TBC1D30: variants seen among roughly 807,000 people sequenced by gnomAD.
TBC1D30 encodes the protein TBC1 domain family, member 30.
In TBC1D30, 31 loss-of-function variants were observed where a neutral mutation model predicts 63.2. The ratio of observed to expected loss-of-function variants is 0.49; its 90% CI spans 0.37 to 0.66. The LOEUF (loss-of-function observed/expected upper bound fraction) is 0.66, where lower values mean the gene tolerates loss of function less well. TBC1D30 is among the 30% of genes least tolerant of loss of function. The pLI is 0.00. For synonymous variants in TBC1D30, 307 were observed against 361.5 expected (o/e 0.85, Z 1.71); for missense variants, 810 against 953.6 (o/e 0.85, Z 1.98).
chr12:64,856,335 T>A (rs1440483963), intron 8 of TBC1D30, among the ~76,000 whole-genome samples: 1 of 152,098 alleles, frequency 6.6e-6, no homozygotes, highest in African/African-American at 2.4e-5. Flanking sequence ...AGATTACAAT[T>A]CAACATGAGA....
chr12:64,781,645 T>C (rs1056390100), intron 1 of TBC1D30, among the ~76,000 whole-genome samples: 29 of 151,648 alleles, frequency 1.9e-4, no homozygotes, highest in Admixed American at 6.6e-5. Flanking sequence ...CTGACCTACC[T>C]AGAGGGCGCC....
chr12:64,874,950 G>C, intron 11 of TBC1D30, 51 bp from the exon 12 acceptor site: 1 of 1,473,010 alleles, frequency 6.8e-7, no homozygotes. Context: ...TTCCAAGATG[G>C]ATGTGTTTCT....
chr12:64,772,473 A>T (rs1870942126), intron 1 of TBC1D30, among the ~76,000 whole-genome samples: 1 of 151,928 alleles, frequency 6.6e-6, no homozygotes, highest in African/African-American at 2.4e-5. Flanking sequence ...TCTGTCGCCC[A>T]GGCTGGAGTG....
chr12:64,787,389 A>G (rs1162547491), intron 2 of TBC1D30: 3 of 984,910 alleles, frequency 3.0e-6, no homozygotes, highest in Non-Finnish European at 3.6e-6. Context: ...CAGGTATGGT[A>G]AATATAGGTA....
chr12:64,863,883 A>T (rs1877994585), intron 8 of TBC1D30, among the ~76,000 whole-genome samples: 2 of 152,252 alleles, frequency 1.3e-5, no homozygotes, highest in South Asian at 4.1e-4. Flanking sequence ...AGAAATGAAC[A>T]TGTGATTGAT....
chr12:64,828,267 C>T (rs182415246), intron 2 of TBC1D30, among the ~76,000 whole-genome samples, 177 bp from the exon 3 acceptor site: 35 of 152,286 alleles, frequency 2.3e-4, no homozygotes, highest in South Asian at 6.2e-4. Context: ...AGGGGTGGGA[C>T]GTGGCACAGT....
chr12:64,871,246 G>A (rs1187263323), intron 11 of TBC1D30, among the ~76,000 whole-genome samples: 1 of 151,924 alleles, frequency 6.6e-6, no homozygotes, highest in Non-Finnish European at 1.5e-5. Flanking sequence ...CAGAGAAACT[G>A]GGAAAAAAAA....
chr12:64,858,646 C>T (rs1877515102), intron 8 of TBC1D30, among the ~76,000 whole-genome samples: 1 of 150,962 alleles, frequency 6.6e-6, no homozygotes, highest in Non-Finnish European at 1.5e-5. Context: ...CATTTCCTTG[C>T]TCTACACTAA....
At chr12:64,810,706 A>G (rs1873164901) in intron 2 of TBC1D30, among the ~76,000 whole-genome samples, 1 of 152,232 alleles carries the variant, frequency 6.6e-6, no homozygotes, top group Non-Finnish European at 1.5e-5. Flanking sequence ...GAGAAGCTGT[A>G]GCATGAAAGA....
intron 1 of TBC1D30, among the ~76,000 whole-genome samples, chr12:64,766,148 AAAAT>A (rs1870706208): frequency 1.3e-5 from 2 of 152,196 alleles, no homozygotes; most frequent in Non-Finnish European, 2.9e-5. Flanking sequence ...AAAAATACCC[AAAAT>A]AAAGCAAAGA....
upstream of TBC1D30, among the ~76,000 whole-genome samples, chr12:64,823,584 C>A (rs1369451208): frequency 3.9e-5 from 6 of 152,304 alleles, 1 homozygote; most frequent in East Asian, 7.7e-4. Flanking sequence ...GCCTTGACTT[C>A]CCAAAGTGCT....
intron 2 of TBC1D30, among the ~76,000 whole-genome samples, chr12:64,804,231 G>T (rs914904885): frequency 1.3e-5 from 2 of 152,100 alleles, no homozygotes; most frequent in Non-Finnish European, 2.9e-5. Flanking sequence ...TGGATTCCTA[G>T]GTATTTTATT....
At chr12:64,870,553 C>T (rs1325590611) in intron 10 of TBC1D30, 49 bp from the exon 11 acceptor site, 2 of 1,450,114 alleles carry the variant, frequency 1.4e-6, no homozygotes, top group Non-Finnish European at 1.9e-6. Flanking sequence ...CCATTTACTC[C>T]TGTTCCCCTC....
chr12:64,828,333 T>C, intron 2 of TBC1D30, 111 bp from the exon 3 acceptor site: 1 of 759,236 alleles, frequency 1.3e-6, no homozygotes, highest in Non-Finnish European at 2.2e-6. Flanking sequence ...TTTACCCCAT[T>C]GTGCTGTGCA....
At chr12:64,832,326 A>C in intron 5 of TBC1D30, 22 bp downstream of exon 5, 1 of 1,530,692 alleles carries the variant, frequency 6.5e-7, no homozygotes, top group Non-Finnish European at 8.8e-7. Flanking sequence ...GCTCTGACAA[A>C]GGCCATGGAC....
chr12:64,804,994 A>G (rs1204773330), intron 2 of TBC1D30, among the ~76,000 whole-genome samples: 1 of 152,182 alleles, frequency 6.6e-6, no homozygotes, highest in Non-Finnish European at 1.5e-5. Flanking sequence ...TGAGGTCAGA[A>G]GTTCGAGACC....
At chr12:64,781,000 C>A in exon 1 of TBC1D30, 1 of 1,043,158 alleles carries the variant, frequency 9.6e-7, no homozygotes, top group South Asian at 2.6e-5. Context: ...GCGATGAGGA[C>A]ACGGAGCCCG....
At chr12:64,818,529 C>G (rs1873690346) in intron 2 of TBC1D30, 1 of 405,120 alleles carries the variant, frequency 2.5e-6, no homozygotes, top group Non-Finnish European at 3.3e-6. Flanking sequence ...ACCTCTGCCT[C>G]CCTGGTTCAA....
chr12:64,809,489 G>C (rs1873082002), intron 2 of TBC1D30, among the ~76,000 whole-genome samples: 1 of 152,136 alleles, frequency 6.6e-6, no homozygotes, highest in Non-Finnish European at 1.5e-5. Context: ...TTATCTACTT[G>C]TTGGTTGATG....
Sources: gnomAD v4.1 joint callset for allele counts (sites outside exome capture counted in the v4.1 genomes callset) on GRCh38, gnomAD v4.1.1 for gene constraint, MANE v1.5 for transcripts, NCBI Gene and HGNC (gene_info 2026-07-23, HGNC 2026-07-21) for gene names.